ARMH4: variants seen among roughly 807,000 people sequenced by gnomAD.
The protein encoded by ARMH4 is armadillo-like helical domain-containing protein 4.
ARMH4 carries 49 observed loss-of-function variants against 61.9 expected under a neutral mutation model. The observed-to-expected ratio is 0.79, with a 90% CI of 0.63 to 1.00. The LOEUF is 1.00. Among genes scored for constraint, ARMH4 ranks in the 50% least tolerant of loss-of-function variants. The pLI is 0.00. For missense variants in ARMH4, 934 were observed against 930.0 expected, an observed-to-expected ratio of 1.00 and a Z score of -0.06; for synonymous variants, 368 against 341.5, an observed-to-expected ratio of 1.08 and a Z score of -0.85.
chr14:58,002,784 G>C lies in ARMH4; in HGVS notation c.*1952C>G, dbSNP rs965206652. 2.6e-5 allele frequency: 4 copies of C among 152,316 alleles called. No homozygotes were observed. The highest frequency in any genetic ancestry group is 6.5e-5 in the Admixed American group (1 of 15,292). The allele number at this position is 152,316 out of a possible 1,614,324, so 9.4% of individuals were successfully genotyped here. On this transcript the variant is annotated 3_prime_UTR_variant, in exon 8 of 8. Coordinates refer to ENST00000267485, the MANE Select transcript of ARMH4 (RefSeq NM_001001872.4). ...ACTCGTGAAATTACAAATCACTTCTGAGTGTCATGATTCTGAATTCTATTT... is the reference window on the plus strand; with the variant it reads ...ACTCGTGAAATTACAAATCACTTCTCAGTGTCATGATTCTGAATTCTATTT...
rs1033306237 is a variant in ARMH4, at chr14:58,001,400, C to A, written c.*3336G>T. The A allele has an allele frequency of 1.3e-5, 2 of 152,102 alleles. No individual in the cohort carries two copies. Among genetic ancestry groups the A allele is most frequent in the African/African-American group, 4.8e-5 (2 of 41,428 alleles). The allele number at this position is 152,102 out of a possible 1,614,324, so 9.4% of individuals were successfully genotyped here. ...AGATACTTCTTCAAGATCCTGATTT[C>A]TATTCTTTTGGATATATGCCCAGAA... On this transcript the variant is annotated 3_prime_UTR_variant, in exon 8 of 8. Coordinates refer to ENST00000267485, the MANE Select transcript of ARMH4 (RefSeq NM_001001872.4).
intron 4 of ARMH4, among the ~76,000 whole-genome samples, chr14:58,102,654 A>G (rs553150794): frequency 1.3e-5 from 2 of 150,172 alleles, no homozygotes; most frequent in Non-Finnish European, 3.0e-5. Context: ...TACTAAAAAT[A>G]CAAAAAATTA....
At chr14:58,080,472 A>C (rs1053132938) in intron 5 of ARMH4, among the ~76,000 whole-genome samples, 1 of 152,198 alleles carries the variant, frequency 6.6e-6, no homozygotes, top group Non-Finnish European at 1.5e-5. Flanking sequence ...GTCTGTAATG[A>C]GGGATGAGAA....
At chr14:58,132,637 GTGCAGTGGCGCCATCTCCGCTCCC>G (rs1157113719) in intron 3 of ARMH4, among the ~76,000 whole-genome samples, 3 of 132,272 alleles carry the variant, frequency 2.3e-5, no homozygotes, top group South Asian at 5.0e-4. Context: ...CCAAGCCGGA[GTGCAGTGGCGCCATCTCCGCTCCC>G]TGCAAGCTCC....
intron 5 of ARMH4, among the ~76,000 whole-genome samples, chr14:58,049,628 T>C (rs1884067942): frequency 6.6e-6 from 1 of 152,024 alleles, no homozygotes; most frequent in Non-Finnish European, 1.5e-5. Context: ...GAGCTTAAAG[T>C]CCAACAGGGA....
At chr14:58,064,134 TTATCATATCA>T (rs1884627464) in intron 5 of ARMH4, among the ~76,000 whole-genome samples, 2 of 150,002 alleles carry the variant, frequency 1.3e-5, no homozygotes, top group African/African-American at 5.1e-5. Flanking sequence ...CAACACACGA[TTATCATATCA>T]AGAAACGGTC....
At chr14:58,041,793 A>G (rs1883715036) in intron 5 of ARMH4, among the ~76,000 whole-genome samples, 1 of 152,222 alleles carries the variant, frequency 6.6e-6, no homozygotes, top group Non-Finnish European at 1.5e-5. Context: ...AGGGGTTGCA[A>G]TCCTAGTCTC....
At chr14:58,147,121 C>G (rs1887757810) in intron 1 of ARMH4, among the ~76,000 whole-genome samples, 1 of 152,158 alleles carries the variant, frequency 6.6e-6, no homozygotes, top group South Asian at 2.1e-4. Context: ...CCATCTTCAT[C>G]TGAACTTTGG....
At chr14:58,043,687 A>T (rs1282208723) in intron 5 of ARMH4, among the ~76,000 whole-genome samples, 2 of 152,226 alleles carry the variant, frequency 1.3e-5, no homozygotes, top group African/African-American at 2.4e-5. Flanking sequence ...AGTTGACATG[A>T]TTGTATATCT....
intron 5 of ARMH4, among the ~76,000 whole-genome samples, chr14:58,064,619 G>A (rs950943377): frequency 2.0e-5 from 3 of 152,218 alleles, no homozygotes; most frequent in South Asian, 2.1e-4. Context: ...TGGAATGCAC[G>A]CATTAGAATT....
rs8016701 is a variant in ARMH4 at position 58,010,816 on chromosome 14, A to T, written c.2121+1303T>A. On this transcript the variant is annotated intron_variant, in intron 6 of 7. Coordinates refer to ENST00000267485, the MANE Select transcript of ARMH4 (RefSeq NM_001001872.4). Reference sequence around the variant, plus strand: ...ATCAAATTTCAAAACTGTTTACATGACAAAATTTATTTTCTTAAGCCTTTT... The same window carrying T: ...ATCAAATTTCAAAACTGTTTACATGTCAAAATTTATTTTCTTAAGCCTTTT... Among the ~76,000 whole-genome samples the T allele has an allele frequency of 1.1e-4, 17 of 151,296 alleles. No individual in the cohort carries two copies. In the East Asian group the frequency reaches 1.9e-3, roughly 17 times the overall value.
chr14:58,091,783 T>G (rs1445078925), intron 5 of ARMH4, among the ~76,000 whole-genome samples: 1 of 152,188 alleles, frequency 6.6e-6, no homozygotes, highest in Non-Finnish European at 1.5e-5. Flanking sequence ...ATTCTGCATA[T>G]GTGAATAGAG....
intron 4 of ARMH4, among the ~76,000 whole-genome samples, chr14:58,114,514 T>C (rs762828420): frequency 7.2e-5 from 11 of 152,302 alleles, no homozygotes; most frequent in Non-Finnish European, 8.8e-5. Context: ...CATTTTGCTA[T>C]GTCAAGACCC....
At chr14:58,082,342 C>T (rs967156991) in intron 5 of ARMH4, among the ~76,000 whole-genome samples, 8 of 152,222 alleles carry the variant, frequency 5.3e-5, no homozygotes, top group Non-Finnish European at 1.2e-4. Context: ...GCTCCTTTGC[C>T]CCTTTCTGCC....
intron 5 of ARMH4, among the ~76,000 whole-genome samples, chr14:58,041,100 T>C (rs1253978951): frequency 1.3e-5 from 2 of 151,812 alleles, no homozygotes; most frequent in Non-Finnish European, 2.9e-5. Context: ...CCATGGGGAG[T>C]GTCGGAAAGT....
chr14:58,041,446 A>G (rs1883699917), intron 5 of ARMH4, among the ~76,000 whole-genome samples: 2 of 152,192 alleles, frequency 1.3e-5, no homozygotes, highest in Admixed American at 6.5e-5. Context: ...TGAAGGGAAC[A>G]CTAAACATGG....
intron 5 of ARMH4, among the ~76,000 whole-genome samples, chr14:58,012,538 G>A (rs187933858): frequency 2.0e-5 from 3 of 152,198 alleles, no homozygotes; most frequent in African/African-American, 4.8e-5. Context: ...GGAATGCTGC[G>A]CTTGAATCAA....
intron 5 of ARMH4, among the ~76,000 whole-genome samples, chr14:58,054,881 A>AT (rs200940113): frequency 0.016 from 1,849 of 114,736 alleles, 33 homozygotes; most frequent in Middle Eastern, 0.081. Flanking sequence ...AAAAAAAAAA[A>AT]AAAATAATAA....
At chr14:58,095,252 T>C (rs1003585221) in intron 5 of ARMH4, among the ~76,000 whole-genome samples, 8 of 152,168 alleles carry the variant, frequency 5.3e-5, no homozygotes, top group South Asian at 2.1e-4. Context: ...CCGAATATCA[T>C]CCCATCCATA....
Sources: gnomAD v4.1 joint callset for allele counts (sites outside exome capture counted in the v4.1 genomes callset) on GRCh38, gnomAD v4.1.1 for gene constraint, MANE v1.5 for transcripts, NCBI Gene and HGNC (gene_info 2026-07-23, HGNC 2026-07-21) for gene names.